Variants in ARHGAP26 observed in about 807,000 individuals in gnomAD.
ARHGAP26 encodes the protein rho GTPase-activating protein 26.
A neutral mutation model predicts 104.8 loss-of-function variants in ARHGAP26; 38 were observed. The observed-to-expected ratio is 0.36, with a 90% confidence interval of 0.28 to 0.48. The LOEUF (loss-of-function observed/expected upper bound fraction) is 0.48, where lower values mean the gene tolerates loss of function less well. Among genes scored for constraint, ARHGAP26 ranks in the 20% least tolerant of loss-of-function variants. ARHGAP26 has a pLI of 0.99. For missense variants in ARHGAP26, 704 were observed against 947.9 expected (o/e 0.74, Z 3.38); for synonymous variants, 341 against 340.0 (o/e 1.00, Z -0.03).
intron 17 of ARHGAP26, among the ~76,000 whole-genome samples, chr5:143,105,410 T>TAAAA (rs1390220291): frequency 1.4e-4 from 21 of 151,002 alleles, no homozygotes; most frequent in Non-Finnish European, 3.1e-4. Flanking sequence ...AATAAATAAA[T>TAAAA]AAATAAATAA....
At chr5:142,822,201 T>G (rs1431797036) in intron 1 of ARHGAP26, among the ~76,000 whole-genome samples, 1 of 151,516 alleles carries the variant, frequency 6.6e-6, no homozygotes, top group African/African-American at 2.4e-5. Flanking sequence ...TCACACTAAC[T>G]GTTTGATGAA....
Position 142,770,804 on chromosome 5 carries a change from A to G in ARHGAP26, c.43A>G (p.Ser15Gly). Reference protein sequence around the residue: ...ALEFSDCCLDSPHFRETLKSH... With the variant: ...ALEFSDCCLDGPHFRETLKSH... ...CGAGTTCAGCGACTGCTGCCTCGAT[A>G]GTCCGCACTTCCGAGAGACGCTCAA... Residue 15 changes from serine to glycine, a missense_variant, in exon 1 of 23, where the codon AGT becomes GGT. Around this residue, in one of 6 missense-constraint regions of ARHGAP26, gnomAD observed 77 missense variants for 82.6 expected, o/e 0.93. Transcript: ENST00000645722. The G allele has an allele frequency of 6.2e-7, 1 of 1,600,366 alleles. No individual in the cohort carries two copies. Among genetic ancestry groups the G allele is most frequent in the African/African-American group, 1.4e-5 (1 of 73,720 alleles).
chr5:142,810,079 C>T (rs1206939666), intron 1 of ARHGAP26, among the ~76,000 whole-genome samples: 1 of 152,204 alleles, frequency 6.6e-6, no homozygotes, highest in Admixed American at 6.5e-5. Flanking sequence ...CCCTTAGCTG[C>T]CCTGCAACCT....
intron 1 of ARHGAP26, among the ~76,000 whole-genome samples, chr5:142,791,218 A>G (rs1759738027): frequency 6.6e-6 from 1 of 151,958 alleles, no homozygotes; most frequent in Non-Finnish European, 1.5e-5. Flanking sequence ...TGGATAAACC[A>G]GGTGTAACTG....
At chr5:143,024,823 G>A (rs1291968299) in intron 12 of ARHGAP26, among the ~76,000 whole-genome samples, 1 of 152,196 alleles carries the variant, frequency 6.6e-6, no homozygotes, top group African/African-American at 2.4e-5. Flanking sequence ...ATGTAAGATT[G>A]AGCAGAGGGT....
chr5:143,022,708 A>G (rs1780521031), intron 12 of ARHGAP26, among the ~76,000 whole-genome samples: 1 of 152,234 alleles, frequency 6.6e-6, no homozygotes, highest in Admixed American at 6.5e-5. Flanking sequence ...CATTTGTACA[A>G]ATGCTGTTCA....
intron 11 of ARHGAP26, among the ~76,000 whole-genome samples, chr5:143,012,715 G>T (rs898290424): frequency 6.7e-6 from 1 of 149,052 alleles, no homozygotes; most frequent in Non-Finnish European, 1.5e-5. Context: ...GTGCAGTGGC[G>T]TGATCTCGGC....
intron 20 of ARHGAP26, among the ~76,000 whole-genome samples, chr5:143,179,677 C>G (rs1804022121): frequency 6.6e-6 from 1 of 152,200 alleles, no homozygotes; most frequent in African/African-American, 2.4e-5. Flanking sequence ...CTTTTCTTGT[C>G]TGAAGTAATT....
chr5:142,808,260 AAAAAAAAAAAAAAAAAT>A (rs1332428027), intron 1 of ARHGAP26, among the ~76,000 whole-genome samples: 4 of 144,994 alleles, frequency 2.8e-5, no homozygotes, highest in African/African-American at 1.1e-4. Context: ...AAAAAAAAAA[AAAAAAAAAAAAAAAAAT>A]GTTGTATTTT....
At chr5:142,949,191 G>C (rs1212279292) in intron 11 of ARHGAP26, among the ~76,000 whole-genome samples, 1 of 36,644 alleles carries the variant, frequency 2.7e-5, no homozygotes, top group Non-Finnish European at 4.6e-5. Context: ...GAGAGAGAGA[G>C]AGAGAGAGAG....
At chr5:142,965,372 G>A (rs1412326012) in intron 11 of ARHGAP26, among the ~76,000 whole-genome samples, 2 of 152,166 alleles carry the variant, frequency 1.3e-5, no homozygotes, top group Non-Finnish European at 2.9e-5. Context: ...GCTAAGTAGC[G>A]GGTATTGTTC....
At chr5:143,178,653 T>C (rs574330353) in intron 20 of ARHGAP26, among the ~76,000 whole-genome samples, 1 of 152,214 alleles carries the variant, frequency 6.6e-6, no homozygotes, top group African/African-American at 2.4e-5. Context: ...CAGCTGCTGC[T>C]GCCCATGGGG....
intron 10 of ARHGAP26, among the ~76,000 whole-genome samples, chr5:142,924,588 G>A (rs1384618071): frequency 6.6e-6 from 1 of 152,140 alleles, no homozygotes; most frequent in Non-Finnish European, 1.5e-5. Flanking sequence ...GTGGTTTGGG[G>A]GCTGCCAGTT....
chr5:143,133,901 G>A (rs903340085), intron 18 of ARHGAP26, 66 bp from the exon 19 acceptor site: 5 of 1,497,722 alleles, frequency 3.3e-6, no homozygotes, highest in Middle Eastern at 1.8e-4. Flanking sequence ...CCGTTGTACT[G>A]CTTCAGGCCT....
chr5:142,812,285 A>G (rs1020691840), intron 1 of ARHGAP26, among the ~76,000 whole-genome samples: 1 of 151,232 alleles, frequency 6.6e-6, no homozygotes. Context: ...CTGGGGTCTC[A>G]CTCTTTTGCC....
chr5:143,016,184 A>T (rs1220984398), intron 12 of ARHGAP26, among the ~76,000 whole-genome samples: 1 of 152,258 alleles, frequency 6.6e-6, no homozygotes, highest in Non-Finnish European at 1.5e-5. Context: ...ATTTTAAAAA[A>T]ATTAGGCTAT....
At chr5:143,021,303 G>T (rs1336009237) in intron 12 of ARHGAP26, among the ~76,000 whole-genome samples, 1 of 152,184 alleles carries the variant, frequency 6.6e-6, no homozygotes, top group Non-Finnish European at 1.5e-5. Context: ...ATGTTTAGAA[G>T]TATCACCTGT....
intron 22 of ARHGAP26, chr5:143,216,359 A>G (rs555544432): frequency 2.2e-6 from 1 of 464,492 alleles, no homozygotes; most frequent in East Asian, 7.0e-5. Context: ...AAAAACGGAA[A>G]TGGCATTAAA....
intron 19 of ARHGAP26, 29 bp downstream of exon 19, chr5:143,134,134 G>A: frequency 6.3e-7 from 1 of 1,587,016 alleles, no homozygotes; most frequent in Non-Finnish European, 8.6e-7. Context: ...GGGCCAGCGT[G>A]GCATTCAGGG....
Sources: gnomAD v4.1 joint callset for allele counts (sites outside exome capture counted in the v4.1 genomes callset) on GRCh38, gnomAD v4.1.1 for gene constraint, gnomAD v4.1.1 regional missense constraint, MANE v1.5 for transcripts, NCBI Gene and HGNC (gene_info 2026-07-23, HGNC 2026-07-21) for gene names.